The following ARHGEF7 variants were observed in gnomAD, a reference collection of about 807,000 sequenced individuals.
The protein encoded by ARHGEF7 is Rho guanine nucleotide exchange factor 7, also known as PAK-interacting exchange factor beta.
Under a neutral mutation model 109.8 loss-of-function variants are expected in ARHGEF7, and 33 were observed. The ratio of observed to expected loss-of-function variants is 0.30; its 90% CI spans 0.23 to 0.40. The LOEUF (loss-of-function observed/expected upper bound fraction) is 0.40. Ranked by LOEUF, ARHGEF7 falls within the 10% of genes least tolerant of loss-of-function variation. The pLI, the probability that ARHGEF7 is intolerant of heterozygous loss-of-function variation, is 1.00. For synonymous variants in ARHGEF7, 458 were observed against 424.6 expected, an observed-to-expected ratio of 1.08 and a Z score of -0.97; for missense variants, 938 against 1,098.5, an observed-to-expected ratio of 0.85 and a Z score of 2.07.
intron 2 of ARHGEF7, among the ~76,000 whole-genome samples, chr13:111,203,936 C>G (rs761933346): frequency 6.6e-6 from 1 of 152,184 alleles, no homozygotes; most frequent in Non-Finnish European, 1.5e-5. Flanking sequence ...ATTCGGATGC[C>G]TTTTCACTGT....
intron 5 of ARHGEF7, among the ~76,000 whole-genome samples, chr13:111,232,785 C>G (rs1158784295): frequency 6.6e-6 from 1 of 152,084 alleles, no homozygotes; most frequent in African/African-American, 2.4e-5. Flanking sequence ...AGAGACTTTT[C>G]CATTCTGAGG....
At chr13:111,279,337 G>C (rs550334643) in intron 13 of ARHGEF7, among the ~76,000 whole-genome samples, 1 of 152,112 alleles carries the variant, frequency 6.6e-6, no homozygotes, top group Non-Finnish European at 1.5e-5. Context: ...TGGGGGTCTC[G>C]GTGAGACTGT....
At chr13:111,158,114 A>G (rs192724934) in intron 2 of ARHGEF7, among the ~76,000 whole-genome samples, 7 of 152,372 alleles carry the variant, frequency 4.6e-5, no homozygotes, top group Admixed American at 3.3e-4. Flanking sequence ...TAATAAAGCT[A>G]TGGATTTTAA....
chr13:111,283,096 G>A (rs370739450), intron 15 of ARHGEF7, 43 bp from the exon 16 acceptor site: 5 of 1,551,166 alleles, frequency 3.2e-6, no homozygotes, highest in East Asian at 2.4e-5. Context: ...GTGAGCACGC[G>A]AGTCTCATGT....
rs2092317816 is a variant in ARHGEF7, at chr13:111,273,697, GA to G, written c.1074-116del. ...TTGGGATAAAAGCTGGAGCCTTCCAGATGTTAAAAGCAACACTTATGTTTCA... is the reference window on the plus strand; with the variant it reads ...TTGGGATAAAAGCTGGAGCCTTCCAGTGTTAAAAGCAACACTTATGTTTCA... On this transcript the variant is annotated intron_variant, in intron 9 of 21. Transcript: ENST00000646102. The surrounding 1 kb of genome is among the most constrained non-coding windows in gnomAD (Gnocchi z 4.5). 1 of 1,409,980 alleles carries G rather than the reference GA, an allele frequency of 7.1e-7. No homozygotes were observed. 87.3% of individuals were successfully genotyped at this position (1,409,980 alleles called of 1,614,324 possible).
At chr13:111,295,878 A>G (rs2093416406) in intron 19 of ARHGEF7, among the ~76,000 whole-genome samples, 1 of 152,228 alleles carries the variant, frequency 6.6e-6, no homozygotes, top group South Asian at 2.1e-4. Flanking sequence ...AAGAAGGTGA[A>G]TTATCCTGCA....
rs1566876562 is a variant in ARHGEF7, at chr13:111,221,542, GATACATATCTATATATCTAT to G, written c.670+3666_670+3685del. Among the ~76,000 whole-genome samples, 10 of 55,348 alleles carry G rather than the reference GATACATATCTATATATCTAT, an allele frequency of 1.8e-4. No individual in the cohort carries two copies. The East Asian group carries it at 7.9e-3, about 44-fold the overall frequency. The allele number at this position is 55,348 out of a possible 152,430, so 36.3% of individuals were successfully genotyped here. Reference sequence around the variant, plus strand: ...ATATATCTATATATATCTATATATAGATACATATCTATATATCTATATATATAGATACATATCTATATATA... The same window carrying G: ...ATATATCTATATATATCTATATATAGATATATAGATACATATCTATATATA... On this transcript the variant is annotated intron_variant, in intron 5 of 21. Transcript: ENST00000646102.
intron 2 of ARHGEF7, chr13:111,186,929 A>G (rs2079320771): frequency 1.0e-6 from 1 of 985,616 alleles, no homozygotes; most frequent in Non-Finnish European, 1.2e-6. Context: ...TTTGGGGTCT[A>G]CTACGTAGAG....
intron 4 of ARHGEF7, among the ~76,000 whole-genome samples, chr13:111,212,329 C>G (rs59744697): frequency 1.3e-5 from 2 of 152,052 alleles, no homozygotes; most frequent in African/African-American, 4.8e-5. Context: ...TTATCCAGTT[C>G]GGCTCTGTGA....
At chr13:111,300,567 G>C (rs1020192872) in intron 19 of ARHGEF7, among the ~76,000 whole-genome samples, 181 bp from the exon 20 acceptor site, 2 of 152,160 alleles carry the variant, frequency 1.3e-5, no homozygotes, top group African/African-American at 4.8e-5. Context: ...GCCTGGGCTC[G>C]GTAGACAGAG....
At chr13:111,202,948 C>A in intron 2 of ARHGEF7, 1 of 512,264 alleles carries the variant, frequency 2.0e-6, no homozygotes, top group Non-Finnish European at 2.9e-6. Context: ...TGTGTATTCA[C>A]TTAAACTCTG....
At chr13:111,225,477 C>T (rs182240180) in intron 5 of ARHGEF7, among the ~76,000 whole-genome samples, 130 of 151,760 alleles carry the variant, frequency 8.6e-4, no homozygotes, top group African/African-American at 3.0e-3. Flanking sequence ...ATTTATAGGG[C>T]GTATCTCACT....
intron 8 of ARHGEF7, chr13:111,265,789 A>T: frequency 2.2e-6 from 1 of 452,652 alleles, no homozygotes; most frequent in South Asian, 1.6e-5. Context: ...GCTGTGAGGG[A>T]GCTGTTTTGC....
chr13:111,266,387 T>C lies in ARHGEF7; in HGVS notation c.951-1161T>C, dbSNP rs1025888689. On this transcript the variant is annotated intron_variant, in intron 8 of 21. Transcript: ENST00000646102. The surrounding 1 kb of genome is among the most constrained non-coding windows in gnomAD (Gnocchi z 4.8). ...TTCTTTTGGCCTGTGTCGACGCTCG[T>C]GGACACCTTCGCTCTTGTGCCTTGC... 6.6e-6 allele frequency among the ~76,000 whole-genome samples: 1 copy of C among 152,186 alleles called. No individual in the cohort carries two copies. The highest frequency in any genetic ancestry group is 1.5e-5 in the Non-Finnish European group (1 of 68,038).
At chr13:111,219,244 G>A (rs140026219) in intron 5 of ARHGEF7, among the ~76,000 whole-genome samples, 157 of 152,238 alleles carry the variant, frequency 1.0e-3, no homozygotes, top group African/African-American at 3.5e-3. Flanking sequence ...TTGGTGCTTC[G>A]TGTAAGTGCA....
At chr13:111,116,407 T>C (rs889662560) in intron 1 of ARHGEF7, 12 of 152,672 alleles carry the variant, frequency 7.9e-5, no homozygotes, top group African/African-American at 2.6e-4. Flanking sequence ...GGCTGGAGCG[T>C]GTGAACCCTG....
At chr13:111,171,769 C>T (rs1285942308) in intron 2 of ARHGEF7, among the ~76,000 whole-genome samples, 1 of 152,230 alleles carries the variant, frequency 6.6e-6, no homozygotes, top group Admixed American at 6.5e-5. Context: ...CCCAAATTCC[C>T]ATGTTGAAAT....
intron 8 of ARHGEF7, among the ~76,000 whole-genome samples, chr13:111,262,239 C>G (rs2091169839): frequency 1.3e-5 from 2 of 152,094 alleles, no homozygotes; most frequent in African/African-American, 4.8e-5. Context: ...AATAATTTTT[C>G]TTTTTTGTTT....
intron 2 of ARHGEF7, among the ~76,000 whole-genome samples, chr13:111,154,915 T>TA (rs1356373764): frequency 2.0e-5 from 3 of 152,064 alleles, no homozygotes; most frequent in Non-Finnish European, 4.4e-5. Context: ...AGCTCCCAGA[T>TA]AAGAGTACAG....
Sources: gnomAD v4.1 joint callset for allele counts (sites outside exome capture counted in the v4.1 genomes callset) on GRCh38, gnomAD v4.1.1 for gene constraint, Gnocchi (gnomAD v3.1) non-coding constraint, MANE v1.5 for transcripts, NCBI Gene and HGNC (gene_info 2026-07-23, HGNC 2026-07-21) for gene names.